Variants in BSCL2 observed in about 807,000 individuals in gnomAD.
BSCL2 encodes the protein BSCL2 lipid droplet biogenesis associated, seipin.
Under a neutral mutation model 57.4 loss-of-function variants are expected in BSCL2, and 41 were observed. The ratio of observed to expected loss-of-function variants is 0.71; its 90% CI spans 0.56 to 0.93. The LOEUF (loss-of-function observed/expected upper bound fraction) is 0.93. Among genes scored for constraint, BSCL2 ranks in the 40% least tolerant of loss-of-function variants. The probability of loss-of-function intolerance (pLI) is 0.00; values close to 1 mark genes in which losing one functional copy is unlikely to be tolerated. For missense variants in BSCL2, 539 were observed against 586.7 expected (o/e 0.92, Z 0.84); for synonymous variants, 237 against 227.3 (o/e 1.04, Z -0.38).
At position 62,694,089 on chromosome 11, in the gene BSCL2, C is replaced by T. The variant is rs374062921; in HGVS notation, c.630+479G>A. On this transcript the variant is annotated intron_variant, in intron 4 of 10. Transcript: ENST00000360796. ...TCGGCCTCCCAGAGTGTTGGGATTA[C>T]AGGCATGAGCCACTGCGCCCGGCCT... Among the ~76,000 whole-genome samples, 68 of 151,244 alleles carry T rather than the reference C, an allele frequency of 4.5e-4. No individual in the cohort carries two copies. In the South Asian group the frequency reaches 0.013, roughly 29 times the overall value.
chr11:62,694,708 G>T lies in BSCL2; in HGVS notation c.490C>A (p.Leu164Met), dbSNP rs1565146073. The change falls in exon 4 of 11, where the codon CTG becomes ATG. Residue 164 changes from leucine to methionine, a missense_variant. Physicochemically the swap from Leu to Met is conservative, Grantham distance 15. Around this residue, in one of 3 missense-constraint regions of BSCL2, gnomAD observed 218 missense variants for 224.8 expected, o/e 0.97. Transcript: ENST00000360796. ...SLTKGGRDRVLMYGQPYRVTL... is the reference protein window; with the variant it reads ...SLTKGGRDRVMMYGQPYRVTL... ...ACACGATACGGCTGTCCATACATCAGCACCTGCCAAAGGTAGCCCCCATTT... is the reference window on the plus strand; with the variant it reads ...ACACGATACGGCTGTCCATACATCATCACCTGCCAAAGGTAGCCCCCATTT... 1 of 1,614,038 alleles carries T rather than the reference G, an allele frequency of 6.2e-7. No individual in the cohort carries two copies. The highest frequency in any genetic ancestry group is 2.2e-5 in the East Asian group (1 of 44,890).
At chr11:62,691,778 C>T (rs565799683) in intron 6 of BSCL2, among the ~76,000 whole-genome samples, 4 of 152,248 alleles carry the variant, frequency 2.6e-5, no homozygotes, top group East Asian at 1.9e-4. Context: ...AGGCCGGACG[C>T]GGTGGCTCAC....
chr11:62,692,584 C>A lies in BSCL2; in HGVS notation c.765+79G>T, dbSNP rs543622840. Reference sequence around the variant, plus strand: ...TCTCTCAGTTGTGATGTCTCCTGAGCCTGGAGGCTTCTCAGGTAGAATCCT... The same window carrying A: ...TCTCTCAGTTGTGATGTCTCCTGAGACTGGAGGCTTCTCAGGTAGAATCCT... On this transcript the variant is annotated intron_variant, in intron 5 of 10. Coordinates refer to ENST00000360796, the MANE Select transcript of BSCL2 (RefSeq NM_001122955.4). 94 of 1,612,582 alleles carry A rather than the reference C, an allele frequency of 5.8e-5. 2 individuals are homozygous for A. The South Asian group carries it at 9.9e-4, about 17-fold the overall frequency.
chr11:62,708,960 C>A (rs2083587919), upstream of BSCL2: 1 of 677,666 alleles, frequency 1.5e-6, no homozygotes, highest in East Asian at 2.6e-5. Context: ...CCCACCCTCA[C>A]CTATCTGTCG....
Position 62,692,485 on chromosome 11 carries a change from T to G in BSCL2, c.766-12A>C. ...GTGGTCGGCACGTACTGTGAGGGGG[T>G]GGGGTGAGGGTGGCGTCAGGCCAGG... On this transcript the variant is annotated splice_polypyrimidine_tract_variant and intron_variant, in intron 5 of 10. Coordinates refer to ENST00000360796, the MANE Select transcript of BSCL2 (RefSeq NM_001122955.4). The G allele has an allele frequency of 6.2e-7, 1 of 1,612,842 alleles. No individual in the cohort carries two copies. Among genetic ancestry groups the G allele is most frequent in the South Asian group, 1.1e-5 (1 of 91,038 alleles).
chr11:62,698,812 C>A (rs1296148032), intron 3 of BSCL2, among the ~76,000 whole-genome samples: 1 of 152,186 alleles, frequency 6.6e-6, no homozygotes, highest in Non-Finnish European at 1.5e-5. Context: ...CTCTGCCTTC[C>A]CATTATGATC....
intron 3 of BSCL2, among the ~76,000 whole-genome samples, chr11:62,701,189 A>G (rs78621555): frequency 0.037 from 5,625 of 152,224 alleles, 347 homozygotes; most frequent in African/African-American, 0.13. Context: ...TCTTATTCCA[A>G]TGTAATAGCT....
upstream of BSCL2, chr11:62,709,020 T>C: frequency 1.8e-6 from 1 of 552,992 alleles, no homozygotes; most frequent in Non-Finnish European, 3.3e-6. Flanking sequence ...CCCAGAGATA[T>C]GAGGCACCCT....
chr11:62,704,352 T>G (rs1481091173), intron 2 of BSCL2, among the ~76,000 whole-genome samples: 2 of 105,706 alleles, frequency 1.9e-5, no homozygotes, highest in African/African-American at 3.9e-5. Flanking sequence ...GCTAACAAGG[T>G]GAAACCCCAT....
chr11:62,697,415 T>C (rs990340672), intron 3 of BSCL2: 2 of 150,254 alleles, frequency 1.3e-5, no homozygotes, highest in Admixed American at 1.3e-4. Flanking sequence ...ATTCCATGCC[T>C]TTGTCCACAA....
intron 1 of BSCL2, chr11:62,706,739 T>C (rs1044806337): frequency 2.0e-6 from 1 of 510,818 alleles, no homozygotes; most frequent in African/African-American, 1.9e-5. Flanking sequence ...GCCTAGAGCA[T>C]GTTGCAGTTT....
chr11:62,708,106 C>T (rs1463536811), upstream of BSCL2: 1 of 610,974 alleles, frequency 1.6e-6, no homozygotes, highest in Non-Finnish European at 3.0e-6. Context: ...TTGGGGAGCA[C>T]CTCATCCCAC....
At chr11:62,692,841 G>T in intron 4 of BSCL2, 44 bp from the exon 5 acceptor site, 1 of 1,610,172 alleles carries the variant, frequency 6.2e-7, no homozygotes, top group Non-Finnish European at 8.5e-7. Context: ...GTGCATGCCA[G>T]ATCCCCATGA....
intron 3 of BSCL2, among the ~76,000 whole-genome samples, chr11:62,700,208 T>A (rs1945597356): frequency 6.7e-6 from 1 of 149,142 alleles, no homozygotes; most frequent in South Asian, 2.2e-4. Context: ...ATCACTGCAC[T>A]CCAGGCTAGG....
chr11:62,696,278 T>TGTGTGTGTGTGTGTGTG (rs371756427), intron 3 of BSCL2, among the ~76,000 whole-genome samples: 26 of 136,316 alleles, frequency 1.9e-4, no homozygotes, highest in Non-Finnish European at 2.7e-4. Context: ...CATAAACTTT[T>TGTGTGTGTGTGTGTGTG]TGTGTGTGTG....
upstream of BSCL2, chr11:62,708,549 G>GT: frequency 7.4e-7 from 1 of 1,354,194 alleles, no homozygotes; most frequent in Non-Finnish European, 1.0e-6. Context: ...CCAGGCCTCT[G>GT]GGGGGGATGA....
At position 62,691,340 on chromosome 11, in the gene BSCL2, G is replaced by A. The variant is rs1945304840; in HGVS notation, c.945C>T (p.Leu315=). The stretch of plus-strand genomic sequence containing the variant: ...CCCACACCCACTGCATGTAGCTGAA[G>A]AGCACGATGACGCTGAGGAAGGTGA... The part of the protein sequence containing the change: ...SNFTFLSVIV[L]FSYMQWVWGG... The change falls in exon 7 of 11, where the codon CTC becomes CTT. Residue 315 remains leucine (L), a synonymous_variant. Coordinates refer to ENST00000360796, the MANE Select transcript of BSCL2 (RefSeq NM_001122955.4). 2 of 1,614,074 alleles carry A rather than the reference G, an allele frequency of 1.2e-6. No homozygotes were observed. The highest frequency in any genetic ancestry group is 1.3e-5 in the African/African-American group (1 of 74,934).
At chr11:62,700,952 CA>C (rs11306420) in intron 3 of BSCL2, among the ~76,000 whole-genome samples, 141,433 of 144,982 alleles carry the variant, frequency 0.98, 69,011 homozygotes, top group East Asian at 1. Flanking sequence ...GACTCTGTCT[CA>C]AAAAAAAAAA....
At chr11:62,699,017 T>C (rs1226664311) in intron 3 of BSCL2, among the ~76,000 whole-genome samples, 4 of 152,120 alleles carry the variant, frequency 2.6e-5, no homozygotes, top group African/African-American at 9.7e-5. Flanking sequence ...GTGATTCTCC[T>C]GCCTCAGCCT....
Sources: gnomAD v4.1 joint callset for allele counts (sites outside exome capture counted in the v4.1 genomes callset) on GRCh38, gnomAD v4.1.1 for gene constraint, gnomAD v4.1.1 regional missense constraint, MANE v1.5 for transcripts, NCBI Gene and HGNC (gene_info 2026-07-23, HGNC 2026-07-21) for gene names.